NT5DC1: variants seen among roughly 807,000 people sequenced by gnomAD.
NT5DC1 encodes 5'-nucleotidase domain-containing protein 1.
Under a neutral mutation model 59.4 loss-of-function variants are expected in NT5DC1, and 42 were observed. The observed-to-expected ratio is 0.71, with a 90% CI of 0.55 to 0.92. The LOEUF (loss-of-function observed/expected upper bound fraction) is 0.92, where lower values mean the gene tolerates loss of function less well. NT5DC1 is among the 40% of genes least tolerant of loss of function. NT5DC1 has a pLI of 0.00. For synonymous variants in NT5DC1, 172 were observed against 188.1 expected (o/e 0.91, Z 0.70); for missense variants, 501 against 537.1 (o/e 0.93, Z 0.66).
intron 6 of NT5DC1, among the ~76,000 whole-genome samples, chr6:116,186,036 T>C (rs1427375087): frequency 6.6e-6 from 1 of 152,092 alleles, no homozygotes; most frequent in East Asian, 1.9e-4. Context: ...TTAGAGCTTC[T>C]TATAGTGGTT....
intron 6 of NT5DC1, among the ~76,000 whole-genome samples, chr6:116,139,640 G>A (rs1779713715): frequency 6.6e-6 from 1 of 152,050 alleles, no homozygotes; most frequent in Non-Finnish European, 1.5e-5. Flanking sequence ...TTACTTTATG[G>A]CACTTTACGA....
At chr6:116,130,885 A>G (rs1049154207) in intron 6 of NT5DC1, among the ~76,000 whole-genome samples, 1 of 152,116 alleles carries the variant, frequency 6.6e-6, no homozygotes, top group African/African-American at 2.4e-5. Context: ...ATTGAAAAAA[A>G]ATATAAGCCG....
intron 6 of NT5DC1, 75 bp from the exon 7 acceptor site, chr6:116,220,979 A>ATTAACT: frequency 1.4e-6 from 1 of 731,450 alleles, no homozygotes; most frequent in Non-Finnish European, 2.3e-6. Context: ...TTTGAAAGAG[A>ATTAACT]TTAACTTGTT....
At chr6:116,197,740 T>G (rs968216308) in intron 6 of NT5DC1, among the ~76,000 whole-genome samples, 25 of 152,108 alleles carry the variant, frequency 1.6e-4, no homozygotes, top group African/African-American at 5.8e-4. Flanking sequence ...TAGGATGTTA[T>G]GCAGATTCAG....
At chr6:116,110,215 T>C (rs931955962) in intron 3 of NT5DC1, among the ~76,000 whole-genome samples, 7 of 152,230 alleles carry the variant, frequency 4.6e-5, no homozygotes, top group Non-Finnish European at 1.0e-4. Flanking sequence ...CTCTGTAGCA[T>C]AGGATTCTCT....
intron 6 of NT5DC1, among the ~76,000 whole-genome samples, chr6:116,200,474 GA>G (rs1398900890): frequency 6.6e-6 from 1 of 151,934 alleles, no homozygotes; most frequent in Non-Finnish European, 1.5e-5. Context: ...TATTGATAGG[GA>G]AATTGAGTGT....
intron 11 of NT5DC1, among the ~76,000 whole-genome samples, chr6:116,240,313 A>G (rs1165022361): frequency 6.6e-6 from 1 of 152,254 alleles, no homozygotes; most frequent in African/African-American, 2.4e-5. Flanking sequence ...ATAAAACAAT[A>G]CAACAATTTA....
chr6:116,205,158 C>T (rs1173964353), intron 6 of NT5DC1, among the ~76,000 whole-genome samples: 1 of 151,872 alleles, frequency 6.6e-6, no homozygotes, highest in African/African-American at 2.4e-5. Context: ...CTCTTTTCTG[C>T]TTATCATTAC....
At chr6:116,112,769 C>G (rs897235219) in intron 4 of NT5DC1, among the ~76,000 whole-genome samples, 1 of 152,142 alleles carries the variant, frequency 6.6e-6, no homozygotes, top group African/African-American at 2.4e-5. Flanking sequence ...AGGATAAACT[C>G]CTAGAAGTAT....
intron 6 of NT5DC1, among the ~76,000 whole-genome samples, chr6:116,193,353 G>T (rs969086114): frequency 6.6e-5 from 10 of 152,004 alleles, no homozygotes; most frequent in Non-Finnish European, 1.3e-4. Context: ...TAAACAAAAG[G>T]CAGGAAGAGC....
chr6:116,215,551 A>C (rs1210646202), intron 6 of NT5DC1, among the ~76,000 whole-genome samples: 1 of 151,762 alleles, frequency 6.6e-6, no homozygotes, highest in African/African-American at 2.4e-5. Context: ...CCATCTGCTG[A>C]CCCTCCCAGC....
At chr6:116,213,643 A>G (rs1781629824) in intron 6 of NT5DC1, among the ~76,000 whole-genome samples, 1 of 152,112 alleles carries the variant, frequency 6.6e-6, no homozygotes, top group Non-Finnish European at 1.5e-5. Flanking sequence ...TTTTATATTC[A>G]ATAAATTTAA....
intron 6 of NT5DC1, chr6:116,158,882 T>C (rs1319221615): frequency 6.6e-6 from 1 of 152,210 alleles, no homozygotes; most frequent in Non-Finnish European, 1.5e-5. Flanking sequence ...ATATCTGTTG[T>C]TTTCCAGCAG....
At chr6:116,154,502 T>C (rs188006127) in intron 6 of NT5DC1, among the ~76,000 whole-genome samples, 3 of 152,314 alleles carry the variant, frequency 2.0e-5, no homozygotes, top group Admixed American at 2.0e-4. Flanking sequence ...TATGTTAACC[T>C]TAATTTAAGT....
intron 3 of NT5DC1, among the ~76,000 whole-genome samples, chr6:116,108,922 GT>G (rs905876117): frequency 1.3e-5 from 2 of 152,184 alleles, no homozygotes; most frequent in Non-Finnish European, 2.9e-5. Flanking sequence ...CCTTTTGGAA[GT>G]TTTTCTGGAC....
intron 6 of NT5DC1, among the ~76,000 whole-genome samples, chr6:116,141,137 T>C (rs1378274804): frequency 6.6e-6 from 1 of 152,194 alleles, no homozygotes; most frequent in Non-Finnish European, 1.5e-5. Flanking sequence ...AAATGCTGTC[T>C]CATTTTATTG....
intron 6 of NT5DC1, among the ~76,000 whole-genome samples, chr6:116,129,614 C>T (rs1779414608): frequency 6.6e-6 from 1 of 152,184 alleles, no homozygotes; most frequent in Admixed American, 6.5e-5. Context: ...AACGCTCTCT[C>T]CAGATACCGG....
rs555957318 is a variant in NT5DC1 at position 116,247,813 on chromosome 6, A to C, written c.*3789A>C. 2 of 132,920 alleles carry C rather than the reference A, an allele frequency of 1.5e-5. No homozygotes were observed. Among genetic ancestry groups the C allele is most frequent in the South Asian group, 6.1e-4 (2 of 3,274 alleles). The allele number at this position is 132,920 out of a possible 1,614,324, so 8.2% of individuals were successfully genotyped here. A position where few individuals can be genotyped will look rare whatever the true frequency, so the allele number is the denominator to read the frequency against. On this transcript the variant is annotated 3_prime_UTR_variant, in exon 12 of 12. Coordinates refer to ENST00000319550, the MANE Select transcript of NT5DC1 (RefSeq NM_152729.3). Reference sequence around the variant, plus strand: ...ACCAAGTTTAATCACTTAAAAAATAAATATTCTCTTAACAGAAATGTCAGC... The same window carrying C: ...ACCAAGTTTAATCACTTAAAAAATACATATTCTCTTAACAGAAATGTCAGC...
At position 116,125,437 on chromosome 6, in the gene NT5DC1, A is replaced by T. The variant is rs1303144012; in HGVS notation, c.529+7492A>T. ...CATTTGGTATCGTTCAGCGTAAAACACTCCATGAACCAAGTTCAAGGATAC... is the reference window on the plus strand; with the variant it reads ...CATTTGGTATCGTTCAGCGTAAAACTCTCCATGAACCAAGTTCAAGGATAC... On this transcript the variant is annotated intron_variant, in intron 6 of 11. Coordinates refer to ENST00000319550, the MANE Select transcript of NT5DC1 (RefSeq NM_152729.3). 3 of 1,613,882 alleles carry T rather than the reference A, an allele frequency of 1.9e-6. No homozygotes were observed. In the East Asian group the frequency reaches 6.7e-5, roughly 36 times the overall value.
Sources: gnomAD v4.1 joint callset for allele counts (sites outside exome capture counted in the v4.1 genomes callset) on GRCh38, gnomAD v4.1.1 for gene constraint, MANE v1.5 for transcripts, NCBI Gene and HGNC (gene_info 2026-07-23, HGNC 2026-07-21) for gene names.